Variants in TMCO4 observed in about 807,000 individuals in gnomAD.
TMCO4 encodes transmembrane and coiled-coil domains 4.
A neutral mutation model predicts 64.7 loss-of-function variants in TMCO4; 58 were observed. That is an observed-to-expected ratio of 0.90 (90% confidence interval 0.73 to 1.12). The LOEUF is 1.12. Ranked by LOEUF, TMCO4 falls within the 50% of genes most tolerant of loss-of-function variation. The probability of loss-of-function intolerance (pLI) is 0.00; values close to 1 mark genes in which losing one functional copy is unlikely to be tolerated. For missense variants in TMCO4, 780 were observed against 825.9 expected (o/e 0.94, Z 0.68); for synonymous variants, 325 against 346.1 (o/e 0.94, Z 0.68).
intron 15 of TMCO4, among the ~76,000 whole-genome samples, chr1:19,694,148 C>A (rs925592456): frequency 1.4e-4 from 22 of 152,106 alleles, no homozygotes; most frequent in Admixed American, 2.0e-4. Context: ...ACTACAGGCA[C>A]GCACAACCAT....
At chr1:19,735,336 G>T (rs2095449132) in intron 13 of TMCO4, among the ~76,000 whole-genome samples, 1 of 152,184 alleles carries the variant, frequency 6.6e-6, no homozygotes, top group Non-Finnish European at 1.5e-5. Context: ...GCCCAGAGAG[G>T]TTAAGTGACT....
chr1:19,790,585 A>G (rs1249578384), intron 2 of TMCO4, among the ~76,000 whole-genome samples: 1 of 152,232 alleles, frequency 6.6e-6, no homozygotes, highest in Non-Finnish European at 1.5e-5. Flanking sequence ...CATTAGAGAC[A>G]TGCAAATCAA....
At chr1:19,776,441 A>G (rs2043208061) in intron 4 of TMCO4, among the ~76,000 whole-genome samples, 1 of 152,182 alleles carries the variant, frequency 6.6e-6, no homozygotes, top group South Asian at 2.1e-4. Context: ...AGCGCCTAGT[A>G]TGGGCCTGGC....
At chr1:19,697,307 G>A (rs1355776969) in intron 14 of TMCO4, among the ~76,000 whole-genome samples, 6 of 152,230 alleles carry the variant, frequency 3.9e-5, no homozygotes, top group Non-Finnish European at 8.8e-5. Flanking sequence ...GCTCAGGCTG[G>A]AGTGCAGTGG....
In TMCO4 at chr1:19,733,092, C is replaced by T. The variant is rs560827778; in HGVS notation, c.1264+4280G>A. 3.3e-5 allele frequency among the ~76,000 whole-genome samples: 5 copies of T among 151,928 alleles called. No homozygotes were observed. The East Asian group carries it at 9.7e-4, about 29-fold the overall frequency. ...ACCAGCCTGGCCAACATGGTGAAACCCCGACTCTACTAAAAATACAAAAAA... is the reference window on the plus strand; with the variant it reads ...ACCAGCCTGGCCAACATGGTGAAACTCCGACTCTACTAAAAATACAAAAAA... On this transcript the variant is annotated intron_variant, in intron 13 of 15. Coordinates refer to ENST00000294543, the MANE Select transcript of TMCO4 (RefSeq NM_181719.7).
At chr1:19,725,977 A>G (rs986180238) in intron 13 of TMCO4, among the ~76,000 whole-genome samples, 1 of 152,230 alleles carries the variant, frequency 6.6e-6, no homozygotes, top group Non-Finnish European at 1.5e-5. Flanking sequence ...GGCCTCGAGC[A>G]TGGTCCCCTG....
intron 13 of TMCO4, among the ~76,000 whole-genome samples, chr1:19,720,938 T>C (rs2095379565): frequency 6.6e-6 from 1 of 152,082 alleles, no homozygotes; most frequent in South Asian, 2.1e-4. Context: ...CAGGGAATCT[T>C]AGATACGAGG....
At chr1:19,795,159 C>T (rs1015860148) in intron 2 of TMCO4, among the ~76,000 whole-genome samples, 2 of 150,796 alleles carry the variant, frequency 1.3e-5, no homozygotes, top group Admixed American at 1.3e-4. Context: ...TGTATTTTAT[C>T]GCCATTTTTA....
intron 6 of TMCO4, among the ~76,000 whole-genome samples, chr1:19,767,923 C>G (rs2042808024): frequency 6.6e-6 from 1 of 152,028 alleles, no homozygotes; most frequent in South Asian, 2.1e-4. Context: ...GAAACCCCAT[C>G]TCTACTAAAA....
At chr1:19,709,997 T>C (rs1557490712) in intron 13 of TMCO4, among the ~76,000 whole-genome samples, 1 of 152,072 alleles carries the variant, frequency 6.6e-6, no homozygotes, top group Non-Finnish European at 1.5e-5. Context: ...GTCAGGCTGG[T>C]CTTGAATTCT....
chr1:19,740,074 C>A (rs1043456997), intron 11 of TMCO4, 114 bp from the exon 12 acceptor site: 1 of 1,264,224 alleles, frequency 7.9e-7, no homozygotes, highest in Non-Finnish European at 1.1e-6. Context: ...CTTGGACCTG[C>A]AAGTTTGCCA....
At chr1:19,686,842 C>T (rs754497704) in intron 15 of TMCO4, among the ~76,000 whole-genome samples, 11 of 152,210 alleles carry the variant, frequency 7.2e-5, no homozygotes, top group Non-Finnish European at 1.5e-4. Context: ...GAGTCATGAC[C>T]TTGAATGATT....
intron 15 of TMCO4, among the ~76,000 whole-genome samples, chr1:19,687,569 G>A (rs185615572): frequency 6.6e-6 from 1 of 152,228 alleles, no homozygotes; most frequent in East Asian, 1.9e-4. Context: ...GGAGTTAGCT[G>A]GGCTGATCCA....
intron 4 of TMCO4, among the ~76,000 whole-genome samples, chr1:19,778,329 A>C (rs2043305456): frequency 2.0e-5 from 3 of 151,892 alleles, no homozygotes; most frequent in Admixed American, 6.6e-5. Context: ...GCTGGAGTGC[A>C]GTAGCACGAT....
rs372011825 is a variant in TMCO4, at chr1:19,727,210, G to A, written c.1264+10162C>T. Among the ~76,000 whole-genome samples, 37 of 152,318 alleles carry A rather than the reference G, an allele frequency of 2.4e-4. 1 individual carries two copies. In the South Asian group the frequency reaches 7.5e-3, roughly 31 times the overall value. On this transcript the variant is annotated intron_variant, in intron 13 of 15. Coordinates refer to ENST00000294543, the MANE Select transcript of TMCO4 (RefSeq NM_181719.7). ...TCTGTTTCCTAAGCCAAGTGCTCTC[G>A]GGTTTGGAGTGGTAGAGATGGTCTC...
At chr1:19,777,640 G>A (rs961189116) in intron 4 of TMCO4, among the ~76,000 whole-genome samples, 10 of 152,272 alleles carry the variant, frequency 6.6e-5, no homozygotes, top group African/African-American at 2.2e-4. Flanking sequence ...AAGCCACTGC[G>A]CCCAGCGCCA....
intron 12 of TMCO4, among the ~76,000 whole-genome samples, chr1:19,737,699 C>T (rs1172984251): frequency 6.6e-6 from 1 of 152,256 alleles, no homozygotes; most frequent in Non-Finnish European, 1.5e-5. Context: ...CAGCCCCCGG[C>T]TGGGTTAATT....
chr1:19,730,513 G>A (rs2095425796), intron 13 of TMCO4, among the ~76,000 whole-genome samples: 1 of 152,256 alleles, frequency 6.6e-6, no homozygotes, highest in Non-Finnish European at 1.5e-5. Flanking sequence ...TCCAGGTACA[G>A]GAAGCACAGA....
rs74058629 is a variant in TMCO4, at chr1:19,761,448, G to A, written c.383-5682C>T. Among the ~76,000 whole-genome samples the A allele has an allele frequency of 3.1e-3, 469 of 152,336 alleles. 2 individuals carry two copies. Among genetic ancestry groups the A allele is most frequent in the African/African-American group, 0.011 (448 of 41,576 alleles). ...CAGGCCCAGACTTTTGGATCCTGCC[G>A]GAAGGACCAAAGGAGCTGGTATCCA... On this transcript the variant is annotated intron_variant, in intron 6 of 15. Transcript: ENST00000294543.
Sources: allele counts gnomAD v4.1 joint callset (sites outside exome capture counted in the v4.1 genomes callset), GRCh38; gene constraint gnomAD v4.1.1; transcripts MANE v1.5; gene names NCBI Gene and HGNC (gene_info 2026-07-23, HGNC 2026-07-21).